Variants in SYTL5 observed in about 807,000 individuals in gnomAD.
SYTL5 encodes the protein synaptotagmin like 5.
A neutral mutation model predicts 55.9 loss-of-function variants in SYTL5; 34 were observed. The ratio of observed to expected loss-of-function variants is 0.61; its 90% CI spans 0.46 to 0.81. The LOEUF (loss-of-function observed/expected upper bound fraction) is 0.81, where lower values mean the gene tolerates loss of function less well. Among genes scored for constraint, SYTL5 ranks in the 30% least tolerant of loss-of-function variants. The pLI is 0.00. For missense variants in SYTL5, 637 were observed against 546.7 expected (o/e 1.17, Z -1.65); for synonymous variants, 221 against 188.7 (o/e 1.17, Z -1.40).
intron 1 of SYTL5, among the ~76,000 whole-genome samples, chrX:38,025,026 A>G (rs1045561736): frequency 1.8e-5 from 2 of 111,898 alleles, no homozygotes; most frequent in African/African-American, 6.5e-5. Context: ...CCACAGCATG[A>G]CAGTTCTTAC....
At chrX:37,962,377 A>C in the SYTL5 span, among the ~76,000 whole-genome samples, 80 of 111,183 alleles carry the variant, frequency 7.2e-4, no homozygotes, top group East Asian at 8.5e-4. Context: ...TTCCAACTTC[A>C]TCCATGTCCC....
At chrX:38,006,222 C>T (rs1389711790), upstream of SYTL5, among the ~76,000 whole-genome samples, 1 of 111,749 alleles carries the variant, frequency 8.9e-6, no homozygotes, top group Non-Finnish European at 1.9e-5. Flanking sequence ...AAAGCACTTA[C>T]AACAGTGCCT....
the SYTL5 span, among the ~76,000 whole-genome samples, chrX:37,895,441 C>CTTCCTTCCTTCT: frequency 2.2e-5 from 2 of 91,475 alleles, no homozygotes; most frequent in African/African-American, 1.1e-4. Flanking sequence ...TCCTTCCTTC[C>CTTCCTTCCTTCT]TTCCTTCCTT....
At chrX:38,084,710 G>A (rs777706481) in intron 6 of SYTL5, among the ~76,000 whole-genome samples, 3,880 of 58,876 alleles carry the variant, frequency 0.066, 64 homozygotes, top group Middle Eastern at 0.13. Context: ...CATACACACA[G>A]AGATCAAAAA....
At chrX:38,001,347 G>A in the SYTL5 span, among the ~76,000 whole-genome samples, 4 of 111,652 alleles carry the variant, frequency 3.6e-5, no homozygotes, top group African/African-American at 1.3e-4. Context: ...TCACTGTTGT[G>A]CTAGCAAATA....
the SYTL5 span, among the ~76,000 whole-genome samples, chrX:37,926,445 A>C: frequency 2.7e-5 from 3 of 110,526 alleles, no homozygotes; most frequent in African/African-American, 9.9e-5. Flanking sequence ...CTTTGTCATT[A>C]CACTGCTGTG....
the SYTL5 span, among the ~76,000 whole-genome samples, chrX:37,894,088 AT>A: frequency 2.6e-3 from 288 of 111,201 alleles, no homozygotes; most frequent in Middle Eastern, 0.014. Context: ...CTACAAAAAA[AT>A]GTCTGTGAGC....
At chrX:37,929,087 C>T in the SYTL5 span, among the ~76,000 whole-genome samples, 1 of 112,646 alleles carries the variant, frequency 8.9e-6, no homozygotes, top group Non-Finnish European at 1.9e-5. Context: ...TAATGCATCT[C>T]TTAGTTATGC....
At chrX:38,018,815 T>C (rs1934444679) in intron 1 of SYTL5, among the ~76,000 whole-genome samples, 1 of 111,543 alleles carries the variant, frequency 9.0e-6, no homozygotes, top group South Asian at 3.8e-4. Flanking sequence ...AAGAGGTCAC[T>C]GGATCTTATT....
chrX:38,050,924 G>A (rs746601765), intron 2 of SYTL5, among the ~76,000 whole-genome samples: 8 of 112,392 alleles, frequency 7.1e-5, no homozygotes, highest in Non-Finnish European at 1.5e-4. Flanking sequence ...TACTTACCAC[G>A]TTTCATTGGC....
chrX:38,025,960 A>G (rs993640617), intron 1 of SYTL5, among the ~76,000 whole-genome samples: 1 of 112,393 alleles, frequency 8.9e-6, no homozygotes, highest in Non-Finnish European at 1.9e-5. Context: ...CTCCATAGAC[A>G]GGACCAGAAC....
At chrX:37,988,251 C>T in the SYTL5 span, among the ~76,000 whole-genome samples, 4 of 111,623 alleles carry the variant, frequency 3.6e-5, no homozygotes, top group Non-Finnish European at 7.5e-5. Context: ...ATAAGGAATG[C>T]AGCTCTAGGA....
At chrX:37,910,097 G>A in the SYTL5 span, among the ~76,000 whole-genome samples, 1 of 111,781 alleles carries the variant, frequency 8.9e-6, no homozygotes, top group South Asian at 3.8e-4. Context: ...ACATGTGCCT[G>A]AGTTTGGAAA....
the SYTL5 span, among the ~76,000 whole-genome samples, chrX:37,934,857 C>G: frequency 1.8e-5 from 2 of 111,273 alleles, no homozygotes; most frequent in African/African-American, 6.5e-5. Context: ...TGGTCTCAAA[C>G]TCCTGACCTC....
chrX:37,992,822 C>T, the SYTL5 span, among the ~76,000 whole-genome samples: 8 of 111,621 alleles, frequency 7.2e-5, no homozygotes, highest in Non-Finnish European at 3.8e-5. Flanking sequence ...TAATCGAACA[C>T]GTCAATACCA....
At chrX:38,024,840 C>T (rs1436708832) in intron 1 of SYTL5, among the ~76,000 whole-genome samples, 1 of 111,266 alleles carries the variant, frequency 9.0e-6, no homozygotes, top group Non-Finnish European at 1.9e-5. Context: ...GAATCCATAT[C>T]ATTGTGAAAT....
intron 1 of SYTL5, among the ~76,000 whole-genome samples, chrX:38,027,892 C>T (rs1334823692): frequency 1.0e-4 from 11 of 106,334 alleles, no homozygotes; most frequent in South Asian, 4.3e-4. Context: ...GGCAAAATCT[C>T]GGCTCACTGC....
chrX:38,071,014 G>A (rs1936247671), intron 3 of SYTL5, among the ~76,000 whole-genome samples: 1 of 110,261 alleles, frequency 9.1e-6, no homozygotes. Flanking sequence ...AGAACTATGA[G>A]AATATGAAAA....
chrX:37,967,227 T>A, the SYTL5 span, among the ~76,000 whole-genome samples: 8 of 111,400 alleles, frequency 7.2e-5, no homozygotes, highest in African/African-American at 2.6e-4. Flanking sequence ...AATTTTTGTA[T>A]TTTTAGTAGA....
Sources: allele counts gnomAD v4.1 joint callset (sites outside exome capture counted in the v4.1 genomes callset), GRCh38; gene constraint gnomAD v4.1.1; transcripts MANE v1.5; gene names NCBI Gene and HGNC (gene_info 2026-07-23, HGNC 2026-07-21).